The following TF variants were observed in gnomAD, a reference collection of about 807,000 sequenced individuals.
The protein encoded by TF is serotransferrin.
In TF, 55 loss-of-function variants were observed where a neutral mutation model predicts 82.4. The observed-to-expected ratio is 0.67, with a 90% CI of 0.54 to 0.84. The LOEUF (loss-of-function observed/expected upper bound fraction) is 0.84. TF is among the 40% of genes least tolerant of loss of function. TF has a pLI of 0.00. For synonymous variants in TF, 332 were observed against 332.6 expected, an observed-to-expected ratio of 1.00 and a Z score of 0.02; for missense variants, 737 against 868.4, an observed-to-expected ratio of 0.85 and a Z score of 1.90.
chr3:133,754,554 A>G lies in TF; in HGVS notation c.385A>G (p.Asn129Asp). Residue 129 changes from asparagine to aspartate, a missense_variant, in exon 4 of 17, where the codon AAC (asparagine) becomes GAC (aspartate). Coordinates refer to ENST00000402696, the MANE Select transcript of TF (RefSeq NM_001063.4). Reference sequence around the variant, plus strand: ...GAAGAAGGATAGTGGCTTCCAGATGAACCAGCTTCGAGGCAAGAAGTCCTG... The same window carrying G: ...GAAGAAGGATAGTGGCTTCCAGATGGACCAGCTTCGAGGCAAGAAGTCCTG... ...VVKKDSGFQM[N>D]QLRGKKSCHT... 6.2e-7 allele frequency: 1 copy of G among 1,614,232 alleles called. No homozygotes were observed. The highest frequency in any genetic ancestry group is 8.5e-7 in the Non-Finnish European group (1 of 1,180,046).
At chr3:133,752,966 C>T (rs1181300700) in intron 2 of TF, among the ~76,000 whole-genome samples, 2 of 152,098 alleles carry the variant, frequency 1.3e-5, no homozygotes, top group African/African-American at 4.8e-5. Flanking sequence ...GCAAAAGGGT[C>T]ATGCAGTTTT....
At chr3:133,707,728 A>C in the TF span, 1 of 152,206 alleles carries the variant, frequency 6.6e-6, no homozygotes, top group Non-Finnish European at 1.5e-5. Flanking sequence ...AATTCTAAAA[A>C]TTTATGATTC....
the TF span, among the ~76,000 whole-genome samples, chr3:133,729,411 A>G: frequency 6.6e-6 from 1 of 152,130 alleles, no homozygotes; most frequent in Non-Finnish European, 1.5e-5. Context: ...TTGATCTCAG[A>G]CTGCTGTGCT....
chr3:133,747,982 A>G (rs1933549630), intron 1 of TF, among the ~76,000 whole-genome samples: 1 of 152,074 alleles, frequency 6.6e-6, no homozygotes, highest in Non-Finnish European at 1.5e-5. Context: ...TCTTCTCAAA[A>G]AGATGGCAAT....
the TF span, among the ~76,000 whole-genome samples, chr3:133,708,770 GTT>G: frequency 5.8e-4 from 84 of 145,150 alleles, no homozygotes; most frequent in Middle Eastern, 3.6e-3. Context: ...AAATGTATAG[GTT>G]TTTTTTTTTT....
In TF at chr3:133,778,789, T is replaced by G; in HGVS notation, c.*169T>G. On this transcript the variant is annotated 3_prime_UTR_variant, in exon 17 of 17. Coordinates refer to ENST00000402696, the MANE Select transcript of TF (RefSeq NM_001063.4). ...ATAAAAATTATTATTGATTTTATAT[T>G]TCAAAAACTCCATTCTTTCCTAAAT... is the stretch of plus-strand genomic sequence containing the variant. 3.3e-6 allele frequency: 2 copies of G among 597,950 alleles called. No homozygotes were observed. Among genetic ancestry groups the G allele is most frequent in the African/African-American group, 3.8e-5 (2 of 52,908 alleles). The allele number at this position is 597,950 out of a possible 1,614,324, so 37.0% of individuals were successfully genotyped here. A position where few individuals can be genotyped will look rare whatever the true frequency, so the allele number is the denominator to read the frequency against.
At chr3:133,740,275 T>G in the TF span, among the ~76,000 whole-genome samples, 1 of 151,664 alleles carries the variant, frequency 6.6e-6, no homozygotes, top group African/African-American at 2.4e-5. Context: ...TAAGTGGGAG[T>G]TGAACAATGA....
the TF span, among the ~76,000 whole-genome samples, chr3:133,698,038 A>G: frequency 6.6e-6 from 1 of 152,228 alleles, no homozygotes; most frequent in South Asian, 2.1e-4. Context: ...TCAGCCTCTA[A>G]TTGGCCATGG....
the TF span, chr3:133,709,426 G>A: frequency 6.5e-6 from 1 of 152,676 alleles, no homozygotes; most frequent in Non-Finnish European, 1.5e-5. Flanking sequence ...GGGCTGGCCA[G>A]ATCTCACTGG....
intron 16 of TF, chr3:133,777,825 T>A (rs1934431701): frequency 1.3e-5 from 2 of 157,792 alleles, no homozygotes; most frequent in South Asian, 3.8e-4. Context: ...AACACCAGTT[T>A]CTGAGAACTG....
At chr3:133,776,346 C>T (rs1295113052) in intron 15 of TF, among the ~76,000 whole-genome samples, 2 of 152,136 alleles carry the variant, frequency 1.3e-5, no homozygotes, top group South Asian at 2.1e-4. Context: ...ACAGGGGCTG[C>T]CTGAGTATTC....
In TF at chr3:133,788,301, A is replaced by G. The variant is rs545725487; in HGVS notation, c.*9681A>G. 17 of 152,214 alleles carry G rather than the reference A, an allele frequency of 1.1e-4. No homozygotes were observed. Among genetic ancestry groups the G allele is most frequent in the Non-Finnish European group, 2.2e-4 (15 of 68,036 alleles). The allele number at this position is 152,214 out of a possible 1,614,324, so 9.4% of individuals were successfully genotyped here. A position where few individuals can be genotyped will look rare whatever the true frequency, so the allele number is the denominator to read the frequency against. Reference sequence around the variant, plus strand: ...TGTATACTAAGTAAATGACTTTGTAACTTTATTTCATCCTCTTCATTTACA... The same window carrying G: ...TGTATACTAAGTAAATGACTTTGTAGCTTTATTTCATCCTCTTCATTTACA... On this transcript the variant is annotated 3_prime_UTR_variant, in exon 17 of 17. Coordinates refer to ENST00000402696, the MANE Select transcript of TF (RefSeq NM_001063.4).
the TF span, among the ~76,000 whole-genome samples, chr3:133,697,838 C>T: frequency 3.3e-5 from 5 of 152,224 alleles, no homozygotes; most frequent in East Asian, 9.6e-4. Context: ...GCCCTGATAA[C>T]ACTCTTTCTC....
the TF span, among the ~76,000 whole-genome samples, chr3:133,710,405 C>A: frequency 2.0e-5 from 3 of 152,146 alleles, no homozygotes; most frequent in African/African-American, 7.2e-5. Flanking sequence ...TGGTGTGCCC[C>A]CAACATTTAC....
At chr3:133,672,921 A>G in the TF span, among the ~76,000 whole-genome samples, 3 of 152,186 alleles carry the variant, frequency 2.0e-5, no homozygotes, top group African/African-American at 7.2e-5. Flanking sequence ...ACAAAATGCA[A>G]TACCCATTCA....
chr3:133,750,457 T>TTCCTCCTCTA (rs1234388896), intron 2 of TF, among the ~76,000 whole-genome samples: 1 of 46,134 alleles, frequency 2.2e-5, no homozygotes, highest in African/African-American at 1.2e-4. Context: ...CGCTGGGGTT[T>TTCCTCCTCTA]TCCGTGTCTT....
At chr3:133,720,886 A>G in the TF span, among the ~76,000 whole-genome samples, 1 of 152,070 alleles carries the variant, frequency 6.6e-6, no homozygotes, top group Non-Finnish European at 1.5e-5. Flanking sequence ...GTTGGCATAT[A>G]ATTATTCATA....
chr3:133,765,011 A>G, intron 11 of TF, 104 bp downstream of exon 11: 1 of 1,087,376 alleles, frequency 9.2e-7, no homozygotes, highest in Non-Finnish European at 1.4e-6. Context: ...GTAAGAGACC[A>G]ATTTTCACAA....
chr3:133,751,846 T>G (rs999869345), intron 2 of TF, among the ~76,000 whole-genome samples: 3 of 151,628 alleles, frequency 2.0e-5, no homozygotes, highest in African/African-American at 7.3e-5. Context: ...AATACAAAAA[T>G]TAGCCGGGTG....
Sources: allele counts gnomAD v4.1 joint callset (sites outside exome capture counted in the v4.1 genomes callset), GRCh38; gene constraint gnomAD v4.1.1; transcripts MANE v1.5; gene names NCBI Gene and HGNC (gene_info 2026-07-23, HGNC 2026-07-21).